HFM1: variants seen among roughly 807,000 people sequenced by gnomAD.
HFM1 encodes helicase for meiosis 1.
Under a neutral mutation model 192.1 loss-of-function variants are expected in HFM1, and 169 were observed. That is an observed-to-expected ratio of 0.88 (90% confidence interval 0.78 to 1.00). The LOEUF is 1.00. HFM1 is among the 50% of genes least tolerant of loss of function. The pLI, the probability that HFM1 is intolerant of heterozygous loss-of-function variation, is 0.00. For missense variants in HFM1, 1,661 were observed against 1,668.0 expected (o/e 1.00, Z 0.07); for synonymous variants, 525 against 537.8 (o/e 0.98, Z 0.33).
At chr1:91,368,117 C>T (rs1435110307) in intron 13 of HFM1, among the ~76,000 whole-genome samples, 1 of 152,206 alleles carries the variant, frequency 6.6e-6, no homozygotes, top group Non-Finnish European at 1.5e-5. Context: ...AAAACTACAT[C>T]TCATTGGTGT....
chr1:91,265,080 T>C (rs1050141100), intron 36 of HFM1, among the ~76,000 whole-genome samples: 2 of 152,198 alleles, frequency 1.3e-5, no homozygotes, highest in Non-Finnish European at 2.9e-5. Flanking sequence ...GTCTTTCTCA[T>C]TGGCCACCAT....
intron 13 of HFM1, among the ~76,000 whole-genome samples, chr1:91,359,617 G>C (rs1425999715): frequency 6.7e-6 from 1 of 148,708 alleles, no homozygotes; most frequent in Non-Finnish European, 1.5e-5. Flanking sequence ...AGAAATATGG[G>C]ATTAAGTAAA....
At chr1:91,353,641 T>A (rs1258690291) in intron 13 of HFM1, among the ~76,000 whole-genome samples, 1 of 96,414 alleles carries the variant, frequency 1.0e-5, no homozygotes, top group Non-Finnish European at 2.0e-5. Flanking sequence ...ACTATATTAC[T>A]AGTAAATAAG....
At chr1:91,270,337 G>A (rs748540890) in intron 34 of HFM1, among the ~76,000 whole-genome samples, 1 of 151,966 alleles carries the variant, frequency 6.6e-6, no homozygotes, top group South Asian at 2.1e-4. Context: ...TTGAGCTAAG[G>A]CAAAAAGAAA....
chr1:91,290,187 T>C (rs1391276163), intron 30 of HFM1, among the ~76,000 whole-genome samples: 1 of 151,848 alleles, frequency 6.6e-6, no homozygotes, highest in African/African-American at 2.4e-5. Flanking sequence ...CAGGATCAAA[T>C]TCAAACACAA....
Position 91,297,290 on chromosome 1 carries a change from C to T in HFM1, c.3391+16059G>A, listed in dbSNP as rs189841472. On this transcript the variant is annotated intron_variant, in intron 30 of 38. Transcript: ENST00000370425. The stretch of plus-strand genomic sequence containing the variant: ...CGCTTGAGTAGGTAAACAAAGCAGC[C>T]GGGAAGCTTGAACTGGGTGGAGCCC... Among the ~76,000 whole-genome samples, 1,081 of 152,296 alleles carry T rather than the reference C, an allele frequency of 7.1e-3. 15 individuals carry two copies. The highest frequency in any genetic ancestry group is 0.024 in the African/African-American group (994 of 41,554).
intron 2 of HFM1, among the ~76,000 whole-genome samples, chr1:91,399,099 T>C (rs1664009874): frequency 6.6e-6 from 1 of 152,222 alleles, no homozygotes; most frequent in Non-Finnish European, 1.5e-5. Context: ...CATTAATCCA[T>C]TCAGTAATTA....
intron 1 of HFM1, chr1:91,404,565 G>A (rs1457035761): frequency 2.1e-5 from 5 of 233,588 alleles, no homozygotes; most frequent in Non-Finnish European, 1.7e-5. Flanking sequence ...GCGCCCGAGC[G>A]CGCCGCAGGC....
chr1:91,336,046 A>G (rs1264230111), intron 20 of HFM1, among the ~76,000 whole-genome samples: 1 of 135,516 alleles, frequency 7.4e-6, no homozygotes, highest in Non-Finnish European at 1.6e-5. Flanking sequence ...GGAGGCTAAA[A>G]TCCCTCCTGC....
rs772059629 is a variant in HFM1 at position 91,347,488 on chromosome 1, G to T, written c.2207-12C>A. 1.3e-6 allele frequency: 2 copies of T among 1,573,856 alleles called. No individual in the cohort carries two copies. The highest frequency in any genetic ancestry group is 1.7e-6 in the Non-Finnish European group (2 of 1,156,200). On this transcript the variant is annotated splice_polypyrimidine_tract_variant and intron_variant, in intron 18 of 38. Coordinates refer to ENST00000370425, the MANE Select transcript of HFM1 (RefSeq NM_001017975.6). ...TCCAGATGCAAAACCTGCATGTCAT[G>T]AAAAAGTAAAATAGAATTTAGCTCA... is the stretch of plus-strand genomic sequence containing the variant.
intron 13 of HFM1, among the ~76,000 whole-genome samples, chr1:91,362,752 G>A (rs796137308): frequency 4.3e-4 from 65 of 152,212 alleles, no homozygotes; most frequent in African/African-American, 1.5e-3. Flanking sequence ...GAACAAAGCT[G>A]GAGGTATCAT....
At chr1:91,322,254 G>A (rs917108268) in intron 23 of HFM1, among the ~76,000 whole-genome samples, 15 of 152,152 alleles carry the variant, frequency 9.9e-5, no homozygotes, top group Admixed American at 5.2e-4. Flanking sequence ...GAGATGTCAG[G>A]AAGAATCCCA....
intron 13 of HFM1, among the ~76,000 whole-genome samples, chr1:91,364,971 C>T (rs894563735): frequency 6.6e-6 from 1 of 151,932 alleles, no homozygotes; most frequent in African/African-American, 2.4e-5. Context: ...CACATACACA[C>T]ACACATGCAC....
chr1:91,310,127 TTA>T (rs1019730475), intron 30 of HFM1, among the ~76,000 whole-genome samples: 2 of 152,160 alleles, frequency 1.3e-5, no homozygotes, highest in Admixed American at 6.5e-5. Context: ...TCTACAATAT[TTA>T]TGAGACAATT....
At chr1:91,306,281 G>C (rs555824473) in intron 30 of HFM1, among the ~76,000 whole-genome samples, 1 of 152,154 alleles carries the variant, frequency 6.6e-6, no homozygotes, top group Non-Finnish European at 1.5e-5. Flanking sequence ...ATGGTGAGCC[G>C]AGATTGCACC....
intron 8 of HFM1, 70 bp downstream of exon 8, chr1:91,380,030 AATTT>A: frequency 2.9e-6 from 2 of 682,612 alleles, no homozygotes; most frequent in Non-Finnish European, 4.5e-6. Context: ...CCAGAAACTG[AATTT>A]ATTTCTTCAT....
intron 34 of HFM1, among the ~76,000 whole-genome samples, chr1:91,270,631 A>G (rs1666202614): frequency 2.6e-5 from 4 of 152,188 alleles, no homozygotes; most frequent in African/African-American, 9.6e-5. Flanking sequence ...AGAAAAGCCC[A>G]TGCAGTCTAA....
chr1:91,322,615 T>C (rs564980068), intron 23 of HFM1, among the ~76,000 whole-genome samples: 1 of 152,316 alleles, frequency 6.6e-6, no homozygotes, highest in African/African-American at 2.4e-5. Context: ...TACCATTCAG[T>C]AGACATTTAT....
At chr1:91,364,291 C>A (rs1658928746) in intron 13 of HFM1, among the ~76,000 whole-genome samples, 2 of 151,754 alleles carry the variant, frequency 1.3e-5, no homozygotes, top group African/African-American at 2.4e-5. Flanking sequence ...TTATAGACAA[C>A]AAATACAGGT....
Sources: allele counts gnomAD v4.1 joint callset (sites outside exome capture counted in the v4.1 genomes callset), GRCh38; gene constraint gnomAD v4.1.1; transcripts MANE v1.5; gene names NCBI Gene and HGNC (gene_info 2026-07-23, HGNC 2026-07-21).